Variants in FAM169A observed in about 807,000 individuals in gnomAD.
The protein encoded by FAM169A is soluble lamin-associated protein of 75 kDa.
A neutral mutation model predicts 75.7 loss-of-function variants in FAM169A; 24 were observed. That is an observed-to-expected ratio of 0.32 (90% CI 0.23 to 0.45). The LOEUF is 0.45. Ranked by LOEUF, FAM169A falls within the 20% of genes least tolerant of loss-of-function variation. The pLI, the probability that FAM169A is intolerant of heterozygous loss-of-function variation, is 1.00. For synonymous variants in FAM169A, 271 were observed against 271.0 expected (o/e 1.00, Z 0.00); for missense variants, 673 against 784.0 (o/e 0.86, Z 1.69).
At chr5:74,809,108 C>T (rs1239371628) in intron 6 of FAM169A, among the ~76,000 whole-genome samples, 1 of 151,918 alleles carries the variant, frequency 6.6e-6, no homozygotes, top group African/African-American at 2.4e-5. Flanking sequence ...CTGATAAATA[C>T]TTCCAAAAGG....
intron 5 of FAM169A, 31 bp downstream of exon 5, chr5:74,834,395 T>C (rs955388324): frequency 1.3e-5 from 17 of 1,359,546 alleles, no homozygotes; most frequent in Non-Finnish European, 1.6e-5. Flanking sequence ...ATTTCCATAA[T>C]ACACAGTTTA....
chr5:74,847,987 G>C (rs759538851), intron 1 of FAM169A, among the ~76,000 whole-genome samples: 1 of 151,848 alleles, frequency 6.6e-6, no homozygotes, highest in African/African-American at 2.4e-5. Context: ...TTCTGAACAC[G>C]GTTTAAAAAC....
At chr5:74,804,786 TTAAA>T (rs1554048120) in intron 7 of FAM169A, among the ~76,000 whole-genome samples, 181 bp from the exon 8 acceptor site, 1 of 152,220 alleles carries the variant, frequency 6.6e-6, no homozygotes, top group Non-Finnish European at 1.5e-5. Flanking sequence ...ATATACAATG[TTAAA>T]TAGTTATTTT....
intron 11 of FAM169A, among the ~76,000 whole-genome samples, chr5:74,794,538 G>A (rs1746160559): frequency 1.3e-5 from 2 of 151,678 alleles, no homozygotes; most frequent in Admixed American, 6.6e-5. Context: ...CAAACATGGT[G>A]AAACCCCGTC....
chr5:74,826,869 C>T (rs927351080), intron 5 of FAM169A, among the ~76,000 whole-genome samples: 2 of 152,186 alleles, frequency 1.3e-5, no homozygotes, highest in Non-Finnish European at 2.9e-5. Flanking sequence ...ATCCAGAATT[C>T]CTTCCTGCAT....
intron 1 of FAM169A, among the ~76,000 whole-genome samples, chr5:74,853,594 G>GT (rs796387376): frequency 8.6e-5 from 13 of 151,894 alleles, no homozygotes; most frequent in African/African-American, 2.7e-4. Flanking sequence ...ATTAAAGAAT[G>GT]TAACAACCAG....
chr5:74,817,668 C>CA (rs1747540048), intron 5 of FAM169A, among the ~76,000 whole-genome samples: 1 of 152,066 alleles, frequency 6.6e-6, no homozygotes, highest in African/African-American at 2.4e-5. Context: ...AAGTTCATCC[C>CA]AAACACACAG....
intron 5 of FAM169A, among the ~76,000 whole-genome samples, chr5:74,829,908 G>GTT (rs1748224255): frequency 6.6e-6 from 1 of 152,110 alleles, no homozygotes; most frequent in Non-Finnish European, 1.5e-5. Context: ...AGGAGGCAGA[G>GTT]GTTGAAGTTA....
At chr5:74,794,985 C>T (rs905979519) in intron 11 of FAM169A, among the ~76,000 whole-genome samples, 1 of 151,026 alleles carries the variant, frequency 6.6e-6, no homozygotes, top group African/African-American at 2.4e-5. Context: ...TAGCTGGGCA[C>T]GGTGGCTCAC....
chr5:74,804,044 T>C lies in FAM169A; in HGVS notation c.912+449A>G, dbSNP rs143848457. 2.8e-4 allele frequency among the ~76,000 whole-genome samples: 43 copies of C among 152,266 alleles called. No individual in the cohort carries two copies. The East Asian group carries it at 4.1e-3, about 14-fold the overall frequency. On this transcript the variant is annotated intron_variant, in intron 8 of 12. Coordinates refer to ENST00000687041, the MANE Select transcript of FAM169A (RefSeq NM_001376049.1). ...GTGCTGCTATGTAACAATCACATTT[T>C]AATGATTTAATGCCATAGAAAATGC... is the stretch of plus-strand genomic sequence containing the variant.
rs1342647046 is a variant in FAM169A at position 74,780,633 on chromosome 5, A to C, written c.*827T>G. 1 of 152,224 alleles carries C rather than the reference A, an allele frequency of 6.6e-6. No homozygotes were observed. The highest frequency in any genetic ancestry group is 1.5e-5 in the Non-Finnish European group (1 of 68,034). The allele number at this position is 152,224 out of a possible 1,614,324, so 9.4% of individuals were successfully genotyped here. On this transcript the variant is annotated 3_prime_UTR_variant, in exon 13 of 13. Coordinates refer to ENST00000687041, the MANE Select transcript of FAM169A (RefSeq NM_001376049.1). ...GAAGTCCAAATTAAACCATGTCTCC[A>C]AAGTATAGTTGTGATTTTTACCTGA...
At chr5:74,829,056 G>T (rs17670975) in intron 5 of FAM169A, among the ~76,000 whole-genome samples, 51 of 152,200 alleles carry the variant, frequency 3.4e-4, no homozygotes, top group East Asian at 1.5e-3. Flanking sequence ...AATTTTGAAC[G>T]GTGTCCTGAA....
chr5:74,830,144 A>G (rs1748237483), intron 5 of FAM169A, among the ~76,000 whole-genome samples: 1 of 152,174 alleles, frequency 6.6e-6, no homozygotes, highest in African/African-American at 2.4e-5. Context: ...AAATAATTCC[A>G]TTTACCTAGA....
intron 9 of FAM169A, 38 bp downstream of exon 9, chr5:74,801,552 T>C: frequency 6.7e-7 from 1 of 1,503,536 alleles, no homozygotes; most frequent in Non-Finnish European, 9.3e-7. Flanking sequence ...ATTTGAAGTG[T>C]CTCAAATACT....
At chr5:74,842,713 TTTG>T (rs1366025855) in intron 1 of FAM169A, among the ~76,000 whole-genome samples, 3 of 151,856 alleles carry the variant, frequency 2.0e-5, no homozygotes, top group Non-Finnish European at 4.4e-5. Context: ...TGCTGGGTTT[TTTG>T]TTGTTGTTAT....
chr5:74,797,878 A>G (rs1746359790), intron 10 of FAM169A, among the ~76,000 whole-genome samples: 2 of 152,236 alleles, frequency 1.3e-5, no homozygotes, highest in South Asian at 4.1e-4. Flanking sequence ...CTAAAAATAT[A>G]TAAGCTTAAT....
At chr5:74,793,858 C>T (rs560739232) in intron 11 of FAM169A, among the ~76,000 whole-genome samples, 1 of 151,448 alleles carries the variant, frequency 6.6e-6, no homozygotes, top group Non-Finnish European at 1.5e-5. Context: ...AAAAAATTAG[C>T]AGGGCATGGT....
chr5:74,806,510 C>T (rs1298884181), intron 6 of FAM169A, among the ~76,000 whole-genome samples: 2 of 152,148 alleles, frequency 1.3e-5, no homozygotes, highest in African/African-American at 4.8e-5. Flanking sequence ...ACAAAAATCA[C>T]AGTCCATGAT....
chr5:74,854,659 A>AT (rs1749617873), intron 1 of FAM169A, among the ~76,000 whole-genome samples: 1 of 152,044 alleles, frequency 6.6e-6, no homozygotes, highest in Non-Finnish European at 1.5e-5. Context: ...ATCTCCATGA[A>AT]TTTAATTGTT....
Sources: allele counts gnomAD v4.1 joint callset (sites outside exome capture counted in the v4.1 genomes callset), GRCh38; gene constraint gnomAD v4.1.1; transcripts MANE v1.5; gene names NCBI Gene and HGNC (gene_info 2026-07-23, HGNC 2026-07-21).